The following PCED1B variants were observed in gnomAD, a reference collection of about 807,000 sequenced individuals.
PCED1B encodes the protein PC-esterase domain-containing protein 1B.
For synonymous variants in PCED1B, 251 were observed against 246.1 expected (o/e 1.02, Z -0.19); for missense variants, 573 against 573.9 (o/e 1.00, Z 0.02).
chr12:47,184,309 G>C (rs1397254089), intron 2 of PCED1B, among the ~76,000 whole-genome samples: 2 of 152,168 alleles, frequency 1.3e-5, no homozygotes, highest in African/African-American at 2.4e-5. Context: ...GTGGTGTGCT[G>C]GTAAACGACC....
chr12:47,230,020 C>T (rs1008562374), intron 3 of PCED1B, among the ~76,000 whole-genome samples: 1 of 145,898 alleles, frequency 6.9e-6, no homozygotes, highest in Non-Finnish European at 1.5e-5. Flanking sequence ...GTGATCTGCC[C>T]GCCTCAGCCT....
chr12:47,081,870 C>T (rs1423269164), intron 1 of PCED1B, among the ~76,000 whole-genome samples: 1 of 152,088 alleles, frequency 6.6e-6, no homozygotes, highest in Non-Finnish European at 1.5e-5. Context: ...AAAATGGAAA[C>T]AGGAAGGTTA....
At chr12:47,231,820 C>T (rs1943816650) in intron 3 of PCED1B, among the ~76,000 whole-genome samples, 1 of 152,154 alleles carries the variant, frequency 6.6e-6, no homozygotes, top group African/African-American at 2.4e-5. Flanking sequence ...CAGATTACGG[C>T]CAGAGTGCTG....
chr12:47,145,403 A>C (rs1940747697), intron 2 of PCED1B, among the ~76,000 whole-genome samples: 1 of 152,224 alleles, frequency 6.6e-6, no homozygotes, highest in East Asian at 1.9e-4. Flanking sequence ...TTGCTAAGAT[A>C]ATGGATGAAG....
intron 3 of PCED1B, among the ~76,000 whole-genome samples, chr12:47,226,425 G>A (rs566779845): frequency 6.6e-6 from 1 of 152,324 alleles, no homozygotes; most frequent in East Asian, 1.9e-4. Context: ...CCAGCCTGGA[G>A]TGCATTGGTG....
chr12:47,173,258 G>A (rs1201649667), intron 2 of PCED1B, among the ~76,000 whole-genome samples: 1 of 152,168 alleles, frequency 6.6e-6, no homozygotes, highest in Non-Finnish European at 1.5e-5. Context: ...TTTATCTCCT[G>A]TATGTTTCTT....
At chr12:47,227,945 T>C (rs933634871) in intron 3 of PCED1B, among the ~76,000 whole-genome samples, 1 of 152,034 alleles carries the variant, frequency 6.6e-6, no homozygotes, top group East Asian at 1.9e-4. Context: ...AGTGAACTGG[T>C]TAGGATATAG....
intron 2 of PCED1B, among the ~76,000 whole-genome samples, chr12:47,133,625 C>T (rs561560087): frequency 3.9e-5 from 6 of 152,276 alleles, no homozygotes; most frequent in African/African-American, 1.4e-4. Context: ...TAAGCCACAG[C>T]TCAAACTGTG....
intron 2 of PCED1B, among the ~76,000 whole-genome samples, chr12:47,174,119 A>C (rs1941842522): frequency 6.6e-6 from 1 of 152,050 alleles, no homozygotes; most frequent in Admixed American, 6.6e-5. Context: ...GTCTCTATAA[A>C]AAAATATGGC....
intron 2 of PCED1B, among the ~76,000 whole-genome samples, chr12:47,183,340 T>G (rs1340712985): frequency 1.3e-5 from 2 of 152,216 alleles, no homozygotes; most frequent in Admixed American, 1.3e-4. Context: ...TTTGCTCTAG[T>G]GCCTGATAGA....
At chr12:47,176,540 C>T (rs1161121661) in intron 2 of PCED1B, among the ~76,000 whole-genome samples, 1 of 152,232 alleles carries the variant, frequency 6.6e-6, no homozygotes, top group Non-Finnish European at 1.5e-5. Flanking sequence ...TGCCCCGTAC[C>T]TTGTCCTATG....
intron 2 of PCED1B, among the ~76,000 whole-genome samples, chr12:47,160,293 C>CTTTTTTTTTTTTTT (rs59856338): frequency 4.2e-4 from 29 of 69,216 alleles, no homozygotes; most frequent in Non-Finnish European, 5.0e-4. Context: ...TTTTCTTTTT[C>CTTTTTTTTTTTTTT]TTTTTTTTTT....
intron 2 of PCED1B, among the ~76,000 whole-genome samples, chr12:47,173,655 G>A (rs1229456802): frequency 6.6e-6 from 1 of 152,022 alleles, no homozygotes; most frequent in African/African-American, 2.4e-5. Context: ...CGGAAGTTGG[G>A]CCATCCTGCC....
At chr12:47,191,773 T>C (rs57387992) in intron 2 of PCED1B, among the ~76,000 whole-genome samples, 109 of 151,916 alleles carry the variant, frequency 7.2e-4, no homozygotes, top group African/African-American at 2.6e-3. Flanking sequence ...ACAAAAGTTT[T>C]GGGGTTTTTT....
intron 2 of PCED1B, among the ~76,000 whole-genome samples, chr12:47,151,570 G>A (rs1233177353): frequency 6.6e-6 from 1 of 152,200 alleles, no homozygotes; most frequent in East Asian, 1.9e-4. Flanking sequence ...ATGGAGGCCA[G>A]GAAGTTCCAA....
At chr12:47,171,233 A>T (rs1941724060) in intron 2 of PCED1B, among the ~76,000 whole-genome samples, 1 of 151,852 alleles carries the variant, frequency 6.6e-6, no homozygotes, top group African/African-American at 2.4e-5. Context: ...ACGCCCGGCT[A>T]ATTTTGTATT....
intron 1 of PCED1B, among the ~76,000 whole-genome samples, chr12:47,084,804 G>T (rs1409490449): frequency 3.9e-5 from 6 of 152,210 alleles, no homozygotes; most frequent in African/African-American, 1.4e-4. Flanking sequence ...ATTACAAGGT[G>T]AGGAGATTTA....
chr12:47,086,416 T>C (rs1040988754), intron 1 of PCED1B, among the ~76,000 whole-genome samples: 5 of 139,076 alleles, frequency 3.6e-5, no homozygotes, highest in African/African-American at 1.1e-4. Flanking sequence ...AAAGAATGAA[T>C]GCCATTTACA....
intron 1 of PCED1B, among the ~76,000 whole-genome samples, chr12:47,080,599 G>A (rs577843270): frequency 6.6e-6 from 1 of 152,294 alleles, no homozygotes; most frequent in East Asian, 1.9e-4. Context: ...ACCTCCCTGG[G>A]AAAGTTCTAT....
Sources: allele counts gnomAD v4.1 joint callset (sites outside exome capture counted in the v4.1 genomes callset), GRCh38; gene constraint gnomAD v4.1.1; transcripts MANE v1.5; gene names NCBI Gene and HGNC (gene_info 2026-07-23, HGNC 2026-07-21).